MILR1: variants seen among roughly 807,000 people sequenced by gnomAD.
The protein encoded by MILR1 is allergin-1.
In MILR1, 31 loss-of-function variants were observed where a neutral mutation model predicts 18.5. That is an observed-to-expected ratio of 1.68 (90% CI 1.26 to 2.26). The LOEUF is 2.26. MILR1 is among the 30% of genes most tolerant of loss of function. The pLI is 0.00. For synonymous variants in MILR1, 85 were observed against 56.2 expected (o/e 1.51, Z -2.30); for missense variants, 257 against 157.4 (o/e 1.63, Z -3.38).
At chr17:64,479,689 G>A in the MILR1 span, among the ~76,000 whole-genome samples, 5 of 152,282 alleles carry the variant, frequency 3.3e-5, no homozygotes, top group African/African-American at 1.2e-4. Context: ...CAATAATCCA[G>A]GCAAGAGATA....
the MILR1 span, among the ~76,000 whole-genome samples, chr17:64,479,156 C>T: frequency 2.0e-5 from 3 of 148,980 alleles, no homozygotes; most frequent in Non-Finnish European, 4.4e-5. Flanking sequence ...TAGAAAACTA[C>T]TTTTCTTTGG....
intron 5 of MILR1, 131 bp downstream of exon 5, chr17:64,461,063 A>C: frequency 2.7e-6 from 1 of 369,528 alleles, no homozygotes; most frequent in Non-Finnish European, 5.0e-6. Context: ...TAGGAGGAAA[A>C]CATGAGAAAG....
intron 3 of MILR1, among the ~76,000 whole-genome samples, chr17:64,455,453 C>T (rs2037270298): frequency 1.3e-5 from 2 of 151,082 alleles, no homozygotes; most frequent in East Asian, 3.9e-4. Flanking sequence ...ATTCACTCAT[C>T]AAAAAAAAAT....
At chr17:64,471,657 A>G (rs1393511931), downstream of MILR1, among the ~76,000 whole-genome samples, 2 of 152,206 alleles carry the variant, frequency 1.3e-5, no homozygotes, top group African/African-American at 4.8e-5. Context: ...AACTAGAACA[A>G]TGGCAACAAT....
the MILR1 span, chr17:64,492,886 T>A: frequency 2.5e-6 from 4 of 1,614,056 alleles, no homozygotes; most frequent in Non-Finnish European, 3.4e-6. Context: ...TATTTGCCAC[T>A]TTTTATACCT....
Position 64,457,664 on chromosome 17 carries a change from C to T in MILR1, c.632C>T (p.Pro211Leu). The T allele has an allele frequency of 2.1e-6, 1 of 474,938 alleles. No individual in the cohort carries two copies. Among genetic ancestry groups the T allele is most frequent in the Non-Finnish European group, 3.9e-6 (1 of 259,082 alleles). The allele number at this position is 474,938 out of a possible 1,614,324, so 29.4% of individuals were successfully genotyped here. Residue 211 changes from proline to leucine, a missense_variant, in exon 4 of 10, where the codon CCT becomes CTT. Coordinates refer to ENST00000619286, the MANE Select transcript of MILR1 (RefSeq NM_001085423.2). ...CCTAACTATGCAACATACAGTCACC[C>T]TGTCACCATGCCCTCAACAGGTAAG... ...RLPNYATYSHPVTMPSTGGDS... is the reference protein window; with the variant it reads ...RLPNYATYSHLVTMPSTGGDS...
chr17:64,458,156 C>CCCTT (rs1426588451), intron 4 of MILR1, among the ~76,000 whole-genome samples: 1 of 149,374 alleles, frequency 6.7e-6, no homozygotes, highest in African/African-American at 2.5e-5. Context: ...GCCTTTCTTT[C>CCCTT]CCTTCCTTCC....
At chr17:64,465,253 G>C (rs540881455) in intron 5 of MILR1, among the ~76,000 whole-genome samples, 199 bp from the exon 6 acceptor site, 1 of 152,296 alleles carries the variant, frequency 6.6e-6, no homozygotes, top group Admixed American at 6.5e-5. Flanking sequence ...AAATAAATCA[G>C]AACAGCCCCT....
intron 3 of MILR1, among the ~76,000 whole-genome samples, chr17:64,456,871 G>A (rs1430890820): frequency 2.2e-4 from 34 of 152,080 alleles, no homozygotes; most frequent in Admixed American, 2.2e-3. Context: ...AATTTACAAG[G>A]ATTGAGAATA....
intron 4 of MILR1, among the ~76,000 whole-genome samples, chr17:64,460,262 G>C (rs1158735147): frequency 6.6e-6 from 1 of 151,996 alleles, no homozygotes; most frequent in Non-Finnish European, 1.5e-5. Flanking sequence ...CTGACCTCAG[G>C]TGATCTACCT....
At chr17:64,496,288 A>T in the MILR1 span, 1 of 689,210 alleles carries the variant, frequency 1.5e-6, no homozygotes. Context: ...CAAAAAGATG[A>T]GAACTAACTA....
chr17:64,454,055 G>A (rs892304019), intron 3 of MILR1, among the ~76,000 whole-genome samples: 1 of 150,586 alleles, frequency 6.6e-6, no homozygotes, highest in Non-Finnish European at 1.5e-5. Flanking sequence ...TCAGCCTCCC[G>A]AGTAGCTAGG....
chr17:64,496,943 G>T, the MILR1 span: 2 of 1,608,850 alleles, frequency 1.2e-6, no homozygotes. Flanking sequence ...CTTATGGCAG[G>T]CCCTGACGGC....
the MILR1 span, among the ~76,000 whole-genome samples, chr17:64,484,891 A>G: frequency 6.6e-6 from 1 of 152,088 alleles, no homozygotes. Flanking sequence ...AAAACTTTTG[A>G]TTTGGGGCAG....
the MILR1 span, among the ~76,000 whole-genome samples, chr17:64,489,055 T>C: frequency 6.7e-6 from 1 of 150,200 alleles, no homozygotes; most frequent in Non-Finnish European, 1.5e-5. Flanking sequence ...AGACATGGTC[T>C]CATCCTGTTG....
the MILR1 span, among the ~76,000 whole-genome samples, chr17:64,483,551 A>G: frequency 2.7e-5 from 4 of 149,400 alleles, no homozygotes; most frequent in Non-Finnish European, 5.9e-5. Context: ...AGACCCTCCC[A>G]TTTTCTGACA....
At chr17:64,492,978 C>G in the MILR1 span, 1 of 1,614,066 alleles carries the variant, frequency 6.2e-7, no homozygotes, top group Non-Finnish European at 8.5e-7. Context: ...AAGGTAGCCT[C>G]TTGTTTACCA....
At chr17:64,497,118 T>C in the MILR1 span, 4 of 796,558 alleles carry the variant, frequency 5.0e-6, no homozygotes, top group South Asian at 2.9e-5. Context: ...CGGAAGCGCA[T>C]GTCTGCGTTC....
At chr17:64,479,591 A>T in the MILR1 span, among the ~76,000 whole-genome samples, 4 of 152,364 alleles carry the variant, frequency 2.6e-5, no homozygotes, top group East Asian at 7.7e-4. Flanking sequence ...CTTAAAAAAA[A>T]TAACAAGAAT....
Sources: gnomAD v4.1 joint callset for allele counts (sites outside exome capture counted in the v4.1 genomes callset) on GRCh38, gnomAD v4.1.1 for gene constraint, MANE v1.5 for transcripts, NCBI Gene and HGNC (gene_info 2026-07-23, HGNC 2026-07-21) for gene names.